IFT88: variants seen among roughly 807,000 people sequenced by gnomAD.
IFT88 encodes intraflagellar transport protein 88 homolog.
IFT88 carries 74 observed loss-of-function variants against 119.5 expected under a neutral mutation model. The ratio of observed to expected loss-of-function variants is 0.62; its 90% CI spans 0.51 to 0.75. The LOEUF (loss-of-function observed/expected upper bound fraction) is 0.75, where lower values mean the gene tolerates loss of function less well. IFT88 is among the 30% of genes least tolerant of loss of function. The pLI, the probability that IFT88 is intolerant of heterozygous loss-of-function variation, is 0.00. For synonymous variants in IFT88, 279 were observed against 316.7 expected (o/e 0.88, Z 1.26); for missense variants, 961 against 977.7 (o/e 0.98, Z 0.23).
chr13:20,687,417 T>C (rs1459656960), intron 24 of IFT88, among the ~76,000 whole-genome samples: 1 of 151,610 alleles, frequency 6.6e-6, no homozygotes, highest in East Asian at 1.9e-4. Flanking sequence ...TACACACAGA[T>C]CCTTTGCTAA....
At chr13:20,660,884 A>G (rs1418523839) in intron 22 of IFT88, among the ~76,000 whole-genome samples, 1 of 152,204 alleles carries the variant, frequency 6.6e-6, no homozygotes, top group Non-Finnish European at 1.5e-5. Context: ...GTTGGGGGCC[A>G]TCTTCATATA....
At chr13:20,646,247 C>T (rs192897515) in intron 20 of IFT88, among the ~76,000 whole-genome samples, 8 of 152,040 alleles carry the variant, frequency 5.3e-5, no homozygotes, top group Admixed American at 4.6e-4. Context: ...GTTCAGTCAC[C>T]TGACTCATCT....
At chr13:20,671,437 C>CAGA (rs2055840071) in intron 24 of IFT88, among the ~76,000 whole-genome samples, 1 of 152,152 alleles carries the variant, frequency 6.6e-6, no homozygotes, top group African/African-American at 2.4e-5. Context: ...AATCTTTAGT[C>CAGA]TGACTTTTAG....
intron 12 of IFT88, among the ~76,000 whole-genome samples, chr13:20,604,489 A>G (rs990210617): frequency 1.3e-5 from 2 of 152,184 alleles, no homozygotes; most frequent in Non-Finnish European, 2.9e-5. Context: ...ACTTGGTCCT[A>G]ATCTTTCCAT....
chr13:20,674,718 A>AT (rs1566450350), intron 24 of IFT88, among the ~76,000 whole-genome samples: 3 of 27,826 alleles, frequency 1.1e-4, no homozygotes, highest in Admixed American at 7.3e-4. Flanking sequence ...ATATATATAT[A>AT]TATATATTTT....
At chr13:20,622,273 G>A (rs1792496641) in intron 14 of IFT88, among the ~76,000 whole-genome samples, 1 of 152,064 alleles carries the variant, frequency 6.6e-6, no homozygotes, top group Admixed American at 6.5e-5. Flanking sequence ...CCACAGTTTG[G>A]CAATTTTGAA....
At chr13:20,652,198 A>C (rs868679627) in intron 20 of IFT88, among the ~76,000 whole-genome samples, 1 of 152,226 alleles carries the variant, frequency 6.6e-6, no homozygotes, top group Non-Finnish European at 1.5e-5. Flanking sequence ...TACACCCAAG[A>C]ATGGTAAATT....
intron 22 of IFT88, among the ~76,000 whole-genome samples, chr13:20,657,584 A>C (rs1328930853): frequency 6.6e-6 from 1 of 152,166 alleles, no homozygotes; most frequent in Non-Finnish European, 1.5e-5. Flanking sequence ...TTTCTTAAAT[A>C]ACATCCCTAT....
At chr13:20,573,177 C>T (rs936430432) in intron 1 of IFT88, among the ~76,000 whole-genome samples, 6 of 152,152 alleles carry the variant, frequency 3.9e-5, no homozygotes, top group African/African-American at 1.4e-4. Context: ...AACTTGCTTG[C>T]TATTGCCATA....
At chr13:20,568,111 G>A (rs2035310323) in intron 1 of IFT88, 1 of 663,988 alleles carries the variant, frequency 1.5e-6, no homozygotes, top group African/African-American at 1.8e-5. Context: ...GTGCGGGCCG[G>A]GGTTGGAAAA....
chr13:20,629,756 A>G (rs1235103587), intron 15 of IFT88, among the ~76,000 whole-genome samples: 1 of 152,228 alleles, frequency 6.6e-6, no homozygotes, highest in African/African-American at 2.4e-5. Context: ...CAACCATTAT[A>G]AAAGCTAACA....
intron 3 of IFT88, among the ~76,000 whole-genome samples, chr13:20,586,082 G>A (rs149829474): frequency 1.0e-3 from 159 of 152,262 alleles, no homozygotes; most frequent in African/African-American, 3.7e-3. Context: ...TTTGCCAGGT[G>A]GGCCTTCAAA....
chr13:20,672,996 T>C (rs534647389), intron 24 of IFT88, among the ~76,000 whole-genome samples: 1 of 152,298 alleles, frequency 6.6e-6, no homozygotes, highest in South Asian at 2.1e-4. Flanking sequence ...GTGCTGCTTG[T>C]TCATCCTTGC....
intron 1 of IFT88, 63 bp from the exon 2 acceptor site, chr13:20,574,317 T>C: frequency 1.1e-6 from 1 of 876,582 alleles, no homozygotes; most frequent in Non-Finnish European, 1.7e-6. Flanking sequence ...AAGACATATC[T>C]CAAAAAATAT....
rs532118098 is a variant in IFT88 at position 20,596,941 on chromosome 13, A to G, written c.490-74A>G. 26 of 760,162 alleles carry G rather than the reference A, an allele frequency of 3.4e-5. No homozygotes were observed. In the Admixed American group the frequency reaches 6.3e-4, roughly 19 times the overall value. The allele number at this position is 760,162 out of a possible 1,614,324, so 47.1% of individuals were successfully genotyped here. A position where few individuals can be genotyped will look rare whatever the true frequency, so the allele number is the denominator to read the frequency against. ...TAGAAAATGAATTCATCCAACCTTCATGTAGATATTTCTCAAATGCATAAA... is the reference window on the plus strand; with the variant it reads ...TAGAAAATGAATTCATCCAACCTTCGTGTAGATATTTCTCAAATGCATAAA... On this transcript the variant is annotated intron_variant, in intron 8 of 25. Coordinates refer to ENST00000351808, the MANE Select transcript of IFT88 (RefSeq NM_006531.5).
At chr13:20,679,374 T>A (rs2057062749) in intron 24 of IFT88, among the ~76,000 whole-genome samples, 1 of 152,184 alleles carries the variant, frequency 6.6e-6, no homozygotes. Context: ...ACCACGGCAG[T>A]AGCTGTGACA....
At chr13:20,664,346 T>G (rs1484753629) in intron 23 of IFT88, among the ~76,000 whole-genome samples, 1 of 152,212 alleles carries the variant, frequency 6.6e-6, no homozygotes, top group African/African-American at 2.4e-5. Context: ...GACTGTTCTC[T>G]TTTTTGTGCT....
intron 22 of IFT88, among the ~76,000 whole-genome samples, chr13:20,660,811 T>C (rs1375858943): frequency 6.6e-6 from 1 of 152,142 alleles, no homozygotes; most frequent in Non-Finnish European, 1.5e-5. Context: ...TTTTTAGATA[T>C]GTTGTGTTTG....
At chr13:20,641,891 T>G (rs1017327983) in intron 18 of IFT88, 1 of 153,156 alleles carries the variant, frequency 6.5e-6, no homozygotes, top group African/African-American at 2.4e-5. Flanking sequence ...ATTCTTCATA[T>G]GAACTCATTC....
Sources: gnomAD v4.1 joint callset for allele counts (sites outside exome capture counted in the v4.1 genomes callset) on GRCh38, gnomAD v4.1.1 for gene constraint, MANE v1.5 for transcripts, NCBI Gene and HGNC (gene_info 2026-07-23, HGNC 2026-07-21) for gene names.